Variants in GANAB observed in about 807,000 individuals in gnomAD.
The protein encoded by GANAB is glucosidase II alpha subunit, also known as neutral alpha-glucosidase AB.
GANAB carries 35 observed loss-of-function variants against 129.9 expected under a neutral mutation model. The observed-to-expected ratio is 0.27, with a 90% CI of 0.21 to 0.36. The LOEUF (loss-of-function observed/expected upper bound fraction) is 0.36. Among genes scored for constraint, GANAB ranks in the 10% least tolerant of loss-of-function variants. The pLI is 1.00. For missense variants in GANAB, 939 were observed against 1,221.0 expected (o/e 0.77, Z 3.44); for synonymous variants, 482 against 451.8 (o/e 1.07, Z -0.85).
chr11:62,645,764 T>C (rs1944451178), intron 1 of GANAB, among the ~76,000 whole-genome samples: 1 of 152,152 alleles, frequency 6.6e-6, no homozygotes, highest in African/African-American at 2.4e-5. Context: ...GTTGCACGCA[T>C]TTATTGTTTC....
intron 1 of GANAB, among the ~76,000 whole-genome samples, chr11:62,646,313 A>G (rs1944479703): frequency 6.6e-6 from 1 of 152,210 alleles, no homozygotes; most frequent in African/African-American, 2.4e-5. Context: ...GCCAAGACCA[A>G]GAAAGACGCA....
chr11:62,646,425 G>A (rs1020285655), intron 1 of GANAB, 137 bp downstream of exon 1: 3 of 996,618 alleles, frequency 3.0e-6, no homozygotes, highest in Non-Finnish European at 4.6e-6. Flanking sequence ...AGGCGTCTGA[G>A]GCCGCCTCCA....
At chr11:62,639,221 G>A (rs1352804240) in intron 3 of GANAB, 111 bp from the exon 4 acceptor site, 3 of 1,361,344 alleles carry the variant, frequency 2.2e-6, no homozygotes, top group Non-Finnish European at 1.0e-6. Flanking sequence ...TTTGCCTAAA[G>A]GCCAAGATCA....
At chr11:62,636,254 G>T (rs189283476) in intron 4 of GANAB, among the ~76,000 whole-genome samples, 1 of 152,186 alleles carries the variant, frequency 6.6e-6, no homozygotes, top group East Asian at 1.9e-4. Context: ...GCCTCTCGAA[G>T]TGCTGGGATT....
rs748438320 is a variant in GANAB at position 62,633,238 on chromosome 11, C to T, written c.664G>A (p.Glu222Lys). The T allele has an allele frequency of 6.2e-7, 1 of 1,614,102 alleles. No individual in the cohort carries two copies. The highest frequency in any genetic ancestry group is 1.1e-5 in the South Asian group (1 of 91,082). Residue 222 changes from glutamate to lysine, a missense_variant, in exon 7 of 24, where the codon GAG becomes AAG. Glu to Lys is a moderately conservative substitution (Grantham distance 56). Coordinates refer to ENST00000356638, the MANE Select transcript of GANAB (RefSeq NM_198334.3). The part of the protein sequence containing the change: ...EETQGKAEKD[E>K]PGAWEETFKT... The stretch of plus-strand genomic sequence containing the variant: ...AATGTCTCCTCCCAGGCTCCTGGCT[C>T]ATCTTTCTCTGCCTTCCCCTGAGTC...
rs180937079 is a variant in GANAB, at chr11:62,625,552, G to C, written c.*263C>G. 3.7e-5 allele frequency: 19 copies of C among 512,998 alleles called. No homozygotes were observed. The highest frequency in any genetic ancestry group is 3.7e-4 in the African/African-American group (19 of 51,994). The allele number at this position is 512,998 out of a possible 1,614,324, so 31.8% of individuals were successfully genotyped here. A position where few individuals can be genotyped will look rare whatever the true frequency, so the allele number is the denominator to read the frequency against. On this transcript the variant is annotated 3_prime_UTR_variant, in exon 24 of 24. Transcript: ENST00000356638. Reference sequence around the variant, plus strand: ...CTGTGGTTTCCTGGTGTTCGTAAGTGAATGTGCTCCAGTTAGAGCAACAGG... The same window carrying C: ...CTGTGGTTTCCTGGTGTTCGTAAGTCAATGTGCTCCAGTTAGAGCAACAGG...
Position 62,646,610 on chromosome 11 carries a change from G to A in GANAB, c.-11C>T. On this transcript the variant is annotated 5_prime_UTR_variant, in exon 1 of 24. Transcript: ENST00000356638. ...CGCTACCGCCGCCATCTTGTGCAGA[G>A]TTTGCTCCTTGACCCCAAACCTCCC... 2 of 1,614,004 alleles carry A rather than the reference G, an allele frequency of 1.2e-6. No individual in the cohort carries two copies. Among genetic ancestry groups the A allele is most frequent in the Non-Finnish European group, 1.7e-6 (2 of 1,179,974 alleles).
Position 62,626,954 on chromosome 11 carries a change from T to C in GANAB, c.2323-20A>G. 1 of 1,601,188 alleles carries C rather than the reference T, an allele frequency of 6.2e-7. No individual in the cohort carries two copies. Among genetic ancestry groups the C allele is most frequent in the South Asian group, 1.1e-5 (1 of 90,838 alleles). ...CCACACCTGTGAGTGACAAAAGAGG[T>C]AAGATACCGGATCACTCAGTGCACA... On this transcript the variant is annotated intron_variant, in intron 19 of 23. Transcript: ENST00000356638.
Position 62,625,714 on chromosome 11 carries a change from TAAGTG to T in GANAB, c.*96_*100del. On this transcript the variant is annotated 3_prime_UTR_variant, in exon 24 of 24. Transcript: ENST00000356638. ...GCAGAATCTGGGTCTTAGACTAGCA[TAAGTG>T]AAGTCTGGGGAGGGCCGAACTCCAA... is the stretch of plus-strand genomic sequence containing the variant. 1.3e-6 allele frequency: 1 copy of T among 768,950 alleles called. No individual in the cohort carries two copies. The highest frequency in any genetic ancestry group is 2.6e-5 in the East Asian group (1 of 38,690). The allele number at this position is 768,950 out of a possible 1,614,324, so 47.6% of individuals were successfully genotyped here.
intron 4 of GANAB, among the ~76,000 whole-genome samples, chr11:62,636,267 A>G (rs767662735): frequency 2.6e-5 from 4 of 152,002 alleles, no homozygotes; most frequent in Non-Finnish European, 4.4e-5. Flanking sequence ...CTGGGATTAC[A>G]GGTATGAGCC....
At chr11:62,629,045 A>G (rs763439650) in intron 16 of GANAB, 33 bp from the exon 17 acceptor site, 1 of 1,608,340 alleles carries the variant, frequency 6.2e-7, no homozygotes, top group Non-Finnish European at 8.5e-7. Flanking sequence ...CAGGTTGGAA[A>G]AGAGGGTGAA....
At chr11:62,646,071 G>A (rs1028575114) in intron 1 of GANAB, among the ~76,000 whole-genome samples, 3 of 152,236 alleles carry the variant, frequency 2.0e-5, no homozygotes, top group Non-Finnish European at 2.9e-5. Flanking sequence ...CTCACGTGAA[G>A]ACAAGGGCAG....
In GANAB at chr11:62,627,068, A is replaced by G; in HGVS notation, c.2302T>C (p.Tyr768His). The G allele has an allele frequency of 6.2e-7, 1 of 1,613,670 alleles. No homozygotes were observed. Among genetic ancestry groups the G allele is most frequent in the Admixed American group, 1.7e-5 (1 of 60,028 alleles). Reference sequence around the variant, plus strand: ...CTCACCTCCCCTTGGCCAGGCAGATAGACCTGGACACCATGGGCTCCAGAG... The same window carrying G: ...CTCACCTCCCCTTGGCCAGGCAGATGGACCTGGACACCATGGGCTCCAGAG... ...SDSGAHGVQV[Y>H]LPGQGEVWYD... The change falls in exon 19 of 24, where the codon TAT becomes CAT. Residue 768 changes from tyrosine to histidine, a missense_variant. Physicochemically the swap from Tyr to His is moderately conservative, Grantham distance 83. Transcript: ENST00000356638.
chr11:62,634,199 A>G (rs1254684498), intron 5 of GANAB: 2 of 738,092 alleles, frequency 2.7e-6, no homozygotes, highest in Non-Finnish European at 4.9e-6. Flanking sequence ...AGCAGGGGAA[A>G]GTGGGGTGAG....
intron 4 of GANAB, among the ~76,000 whole-genome samples, chr11:62,635,333 A>G (rs1035078941): frequency 1.3e-5 from 2 of 151,790 alleles, no homozygotes; most frequent in African/African-American, 2.4e-5. Flanking sequence ...ACAGGCATGC[A>G]CCACCACACC....
chr11:62,638,578 AGG>A (rs2134524695), intron 4 of GANAB, among the ~76,000 whole-genome samples: 1 of 139,442 alleles, frequency 7.2e-6, no homozygotes, highest in South Asian at 2.3e-4. Context: ...GGAAAAGGAA[AGG>A]AGGAAGGAAG....
intron 1 of GANAB, among the ~76,000 whole-genome samples, chr11:62,641,064 C>T (rs1232859649): frequency 2.0e-5 from 3 of 151,730 alleles, no homozygotes; most frequent in South Asian, 2.1e-4. Flanking sequence ...GAAGGCCGGG[C>T]GCAGTGGCTC....
At chr11:62,631,285 G>T in intron 9 of GANAB, 102 bp from the exon 10 acceptor site, 1 of 1,115,484 alleles carries the variant, frequency 9.0e-7, no homozygotes, top group Non-Finnish European at 1.3e-6. Flanking sequence ...CACAGAGCTG[G>T]CTCATGTAAG....
intron 10 of GANAB, 65 bp from the exon 11 acceptor site, chr11:62,630,901 G>C (rs573456224): frequency 5.3e-6 from 8 of 1,509,626 alleles, no homozygotes; most frequent in Non-Finnish European, 7.3e-6. Flanking sequence ...AACTGAGGGA[G>C]GCTTGTGAAC....
Sources: allele counts gnomAD v4.1 joint callset (sites outside exome capture counted in the v4.1 genomes callset), GRCh38; gene constraint gnomAD v4.1.1; transcripts MANE v1.5; gene names NCBI Gene and HGNC (gene_info 2026-07-23, HGNC 2026-07-21).